The following CNTNAP5 variants were observed in gnomAD, a reference collection of about 807,000 sequenced individuals.
The protein encoded by CNTNAP5 is contactin-associated protein-like 5.
Under a neutral mutation model 150.2 loss-of-function variants are expected in CNTNAP5, and 72 were observed. That is an observed-to-expected ratio of 0.48 (90% CI 0.40 to 0.58). The LOEUF is 0.58. Ranked by LOEUF, CNTNAP5 falls within the 20% of genes least tolerant of loss-of-function variation. The pLI is 0.00. For synonymous variants in CNTNAP5, 672 were observed against 619.8 expected, an observed-to-expected ratio of 1.08 and a Z score of -1.25; for missense variants, 1,636 against 1,626.2, an observed-to-expected ratio of 1.01 and a Z score of -0.10.
chr2:124,225,584 A>G (rs1200416179), intron 2 of CNTNAP5, among the ~76,000 whole-genome samples: 1 of 152,214 alleles, frequency 6.6e-6, no homozygotes, highest in Non-Finnish European at 1.5e-5. Flanking sequence ...CAATCAAATT[A>G]GCTAACACAT....
At chr2:124,841,634 G>A (rs779193486) in intron 19 of CNTNAP5, among the ~76,000 whole-genome samples, 2 of 151,944 alleles carry the variant, frequency 1.3e-5, no homozygotes, top group Non-Finnish European at 2.9e-5. Flanking sequence ...TCTGCTTATT[G>A]TTATGAGTAA....
intron 3 of CNTNAP5, among the ~76,000 whole-genome samples, chr2:124,257,296 C>T (rs1687337703): frequency 2.0e-5 from 3 of 152,214 alleles, no homozygotes; most frequent in Admixed American, 2.0e-4. Flanking sequence ...TATTACTCCT[C>T]ACTTAACTCT....
chr2:124,146,807 ATTTTAAG>A (rs1444123658), intron 1 of CNTNAP5, among the ~76,000 whole-genome samples: 4 of 152,220 alleles, frequency 2.6e-5, no homozygotes, highest in Non-Finnish European at 4.4e-5. Context: ...AAAGGAAGAC[ATTTTAAG>A]TTTTATTTGT....
At chr2:124,182,153 G>T (rs140344135) in intron 1 of CNTNAP5, among the ~76,000 whole-genome samples, 2 of 152,030 alleles carry the variant, frequency 1.3e-5, no homozygotes, top group African/African-American at 2.4e-5. Flanking sequence ...AATTGGGAGC[G>T]CACTTTTAGC....
At chr2:124,731,850 GTA>G (rs1680279021) in intron 13 of CNTNAP5, among the ~76,000 whole-genome samples, 2 of 151,636 alleles carry the variant, frequency 1.3e-5, no homozygotes, top group Admixed American at 1.3e-4. Context: ...GTAAGTGTGT[GTA>G]TGAGTGTGAG....
chr2:124,504,357 C>T lies in CNTNAP5; in HGVS notation c.1128C>T (p.Gly376=). The T allele has an allele frequency of 1.9e-6, 3 of 1,613,962 alleles. No homozygotes were observed. Among genetic ancestry groups the T allele is most frequent in the Non-Finnish European group, 2.5e-6 (3 of 1,179,860 alleles). The change falls in exon 8 of 24, where the codon GGC becomes GGT. Residue 376 remains glycine (G), a synonymous_variant. Transcript: ENST00000682447. ...IVPITFVNSS[G]SYLLLPGTPQ... ...CCATCACATTTGTCAACTCCAGCGG[C>T]AGCTATTTGCTGCTGCCCGGCACCC...
At chr2:124,152,212 G>A (rs1684423760) in intron 1 of CNTNAP5, among the ~76,000 whole-genome samples, 1 of 152,118 alleles carries the variant, frequency 6.6e-6, no homozygotes, top group African/African-American at 2.4e-5. Context: ...TCCTGTCTAA[G>A]TACCTTACCT....
chr2:124,635,919 G>C (rs1240628455), intron 12 of CNTNAP5, among the ~76,000 whole-genome samples: 2 of 152,214 alleles, frequency 1.3e-5, no homozygotes, highest in Admixed American at 1.3e-4. Flanking sequence ...TTTGTAAAGA[G>C]AAGCAAGTAG....
intron 3 of CNTNAP5, among the ~76,000 whole-genome samples, chr2:124,320,923 A>T (rs1300892730): frequency 6.6e-6 from 1 of 152,136 alleles, no homozygotes; most frequent in Admixed American, 6.5e-5. Flanking sequence ...AAAGAGATCA[A>T]TTGTAAAATG....
rs1048077615 is a variant in CNTNAP5 at position 124,524,265 on chromosome 2, C to G, written c.1328-38C>G. 4 of 1,610,866 alleles carry G rather than the reference C, an allele frequency of 2.5e-6. No individual in the cohort carries two copies. The Admixed American group carries it at 6.7e-5, about 27-fold the overall frequency. On this transcript the variant is annotated intron_variant, in intron 8 of 23. Coordinates refer to ENST00000682447, the MANE Select transcript of CNTNAP5 (RefSeq NM_001367498.1). ...CCCCCTCTCTCTAAGTCTTCTGGAC[C>G]CATCATCTCTATGCTTACTCTCTTG... is the stretch of plus-strand genomic sequence containing the variant.
intron 1 of CNTNAP5, among the ~76,000 whole-genome samples, chr2:124,211,920 A>C (rs1009145428): frequency 1.3e-5 from 2 of 152,234 alleles, no homozygotes; most frequent in Non-Finnish European, 2.9e-5. Context: ...GAGGATTTTC[A>C]GTGTAATTTA....
At chr2:124,156,927 T>A (rs1480655645) in intron 1 of CNTNAP5, among the ~76,000 whole-genome samples, 3 of 152,320 alleles carry the variant, frequency 2.0e-5, no homozygotes, top group African/African-American at 4.8e-5. Context: ...ATAAGGACCA[T>A]AACATTACCT....
chr2:124,414,213 G>T (rs535293032), intron 3 of CNTNAP5, among the ~76,000 whole-genome samples: 18 of 151,708 alleles, frequency 1.2e-4, no homozygotes, highest in African/African-American at 3.4e-4. Context: ...TAGGTTGGTG[G>T]CTTTAATACA....
In CNTNAP5 at chr2:124,424,733, C is replaced by A. The variant is rs368197243; in HGVS notation, c.529+7143C>A. 3.3e-5 allele frequency among the ~76,000 whole-genome samples: 5 copies of A among 152,246 alleles called. No individual in the cohort carries two copies. The East Asian group carries it at 7.7e-4, about 24-fold the overall frequency. On this transcript the variant is annotated intron_variant, in intron 4 of 23. Transcript: ENST00000682447. The stretch of plus-strand genomic sequence containing the variant: ...TCAACAAACATTACCCAGTAGGCTC[C>A]CTCTGCTAGGCTTCAGAGATACAAA...
chr2:124,899,413 G>A (rs749227000), intron 21 of CNTNAP5, among the ~76,000 whole-genome samples: 4 of 151,386 alleles, frequency 2.6e-5, no homozygotes, highest in Admixed American at 1.3e-4. Context: ...CACCCTTGGA[G>A]GACATGGGGC....
At chr2:124,706,641 GGAGGC>G (rs954444922) in intron 13 of CNTNAP5, among the ~76,000 whole-genome samples, 2 of 151,704 alleles carry the variant, frequency 1.3e-5, no homozygotes, top group Non-Finnish European at 2.9e-5. Context: ...CAGCTACTCA[GGAGGC>G]TGAGGCAGGA....
intron 2 of CNTNAP5, among the ~76,000 whole-genome samples, chr2:124,239,937 T>A (rs1223930263): frequency 6.6e-6 from 1 of 152,134 alleles, no homozygotes; most frequent in East Asian, 1.9e-4. Context: ...CATCTCAGAA[T>A]CTCTGCTCAA....
At chr2:124,273,934 T>C (rs754456932) in intron 3 of CNTNAP5, among the ~76,000 whole-genome samples, 3 of 152,206 alleles carry the variant, frequency 2.0e-5, no homozygotes, top group Non-Finnish European at 4.4e-5. Context: ...GGTACAAATT[T>C]GTGTGAGTCC....
intron 13 of CNTNAP5, among the ~76,000 whole-genome samples, chr2:124,738,754 G>A (rs1680440339): frequency 6.6e-6 from 1 of 151,330 alleles, no homozygotes; most frequent in Non-Finnish European, 1.5e-5. Flanking sequence ...AAGAAAGAAA[G>A]AAAAAAGAAA....
Sources: gnomAD v4.1 joint callset for allele counts (sites outside exome capture counted in the v4.1 genomes callset) on GRCh38, gnomAD v4.1.1 for gene constraint, MANE v1.5 for transcripts, NCBI Gene and HGNC (gene_info 2026-07-23, HGNC 2026-07-21) for gene names.